The following CTIF variants were observed in gnomAD, a reference collection of about 807,000 sequenced individuals.
CTIF encodes the protein cap binding complex dependent translation initiation factor.
CTIF carries 21 observed loss-of-function variants against 66.0 expected under a neutral mutation model. That is an observed-to-expected ratio of 0.32 (90% CI 0.23 to 0.46). CTIF has a LOEUF of 0.46. CTIF is among the 20% of genes least tolerant of loss of function. The pLI, the probability that CTIF is intolerant of heterozygous loss-of-function variation, is 1.00. For synonymous variants in CTIF, 345 were observed against 326.4 expected (o/e 1.06, Z -0.62); for missense variants, 739 against 812.7 (o/e 0.91, Z 1.10).
At chr18:48,745,678 T>C (rs1485743968) in intron 7 of CTIF, among the ~76,000 whole-genome samples, 8 of 152,258 alleles carry the variant, frequency 5.3e-5, no homozygotes, top group Non-Finnish European at 5.9e-5. Context: ...TGTCCCAGAA[T>C]ACACGGGCTG....
rs376030133 is a variant in CTIF at position 48,665,165 on chromosome 18, C to T, written c.431+614C>T. Among the ~76,000 whole-genome samples the T allele has an allele frequency of 1.2e-4, 18 of 152,140 alleles. No homozygotes were observed. In the East Asian group the frequency reaches 2.5e-3, roughly 21 times the overall value. On this transcript the variant is annotated intron_variant, in intron 5 of 11. Coordinates refer to ENST00000256413, the MANE Select transcript of CTIF (RefSeq NM_014772.3). ...TCCTGACCTCATGATCCACCCGCCT[C>T]GGCCTCCCAAAGTGCTGGGATTACA... is the stretch of plus-strand genomic sequence containing the variant.
At chr18:48,762,231 A>G (rs1909080166) in intron 9 of CTIF, among the ~76,000 whole-genome samples, 1 of 152,184 alleles carries the variant, frequency 6.6e-6, no homozygotes, top group Non-Finnish European at 1.5e-5. Flanking sequence ...GACTGTCTTC[A>G]TCCTTGCTCT....
chr18:48,637,462 A>G (rs1211505470), intron 3 of CTIF, among the ~76,000 whole-genome samples: 1 of 152,150 alleles, frequency 6.6e-6, no homozygotes, highest in African/African-American at 2.4e-5. Flanking sequence ...GCCTCCGACT[A>G]TGCCTGTCTG....
intron 2 of CTIF, among the ~76,000 whole-genome samples, chr18:48,627,059 TATA>T (rs1330773150): frequency 6.6e-6 from 1 of 152,242 alleles, no homozygotes; most frequent in African/African-American, 2.4e-5. Flanking sequence ...TGGCAACTAA[TATA>T]ATTTTTGTGC....
At chr18:48,581,778 GTTA>G (rs1425433620) in intron 1 of CTIF, among the ~76,000 whole-genome samples, 14 of 152,176 alleles carry the variant, frequency 9.2e-5, no homozygotes, top group Admixed American at 9.2e-4. Flanking sequence ...CCAGGGAGGT[GTTA>G]TTATCGGTCA....
intron 10 of CTIF, among the ~76,000 whole-genome samples, chr18:48,819,429 C>T (rs959641038): frequency 1.3e-5 from 2 of 152,214 alleles, no homozygotes; most frequent in South Asian, 2.1e-4. Flanking sequence ...TGCCCCAACA[C>T]GTTCCCTCTG....
intron 6 of CTIF, among the ~76,000 whole-genome samples, chr18:48,685,076 G>T (rs1446612120): frequency 7.5e-6 from 1 of 134,100 alleles, no homozygotes. Context: ...ATCAGACTTT[G>T]CTTTTAGTTG....
At chr18:48,576,637 A>G (rs981147000) in intron 1 of CTIF, among the ~76,000 whole-genome samples, 6 of 152,246 alleles carry the variant, frequency 3.9e-5, no homozygotes, top group African/African-American at 1.2e-4. Flanking sequence ...AATTGCTGAC[A>G]CTAAGTCTCT....
At chr18:48,559,212 T>C (rs2089092989) in intron 1 of CTIF, among the ~76,000 whole-genome samples, 1 of 96,978 alleles carries the variant, frequency 1.0e-5, no homozygotes, top group Non-Finnish European at 2.2e-5. Flanking sequence ...TTTAAAAAAG[T>C]TTGTTGTTGT....
chr18:48,604,878 T>G (rs915743354), intron 1 of CTIF, among the ~76,000 whole-genome samples: 1 of 152,224 alleles, frequency 6.6e-6, no homozygotes, highest in Non-Finnish European at 1.5e-5. Flanking sequence ...TGAAATCTTA[T>G]GTGATCTTCT....
chr18:48,660,559 C>T (rs1209961916), intron 3 of CTIF, among the ~76,000 whole-genome samples: 1 of 152,194 alleles, frequency 6.6e-6, no homozygotes, highest in Non-Finnish European at 1.5e-5. Context: ...TTGGTGGGTC[C>T]CCCGCCAGGG....
intron 1 of CTIF, among the ~76,000 whole-genome samples, chr18:48,595,019 C>G (rs969642675): frequency 2.0e-5 from 3 of 152,228 alleles, no homozygotes; most frequent in Non-Finnish European, 4.4e-5. Context: ...TCTCCGGTGC[C>G]AGGCATTGGA....
intron 10 of CTIF, among the ~76,000 whole-genome samples, chr18:48,848,261 A>AC (rs1398931422): frequency 1.3e-5 from 2 of 151,306 alleles, no homozygotes; most frequent in African/African-American, 4.9e-5. Context: ...TTGTCCCCCC[A>AC]CAGCCCTGGC....
At chr18:48,560,157 C>CCCCA (rs1188496200) in intron 1 of CTIF, among the ~76,000 whole-genome samples, 1 of 151,954 alleles carries the variant, frequency 6.6e-6, no homozygotes, top group African/African-American at 2.4e-5. Flanking sequence ...GTCACAGAGT[C>CCCCA]CAGATTCAAG....
intron 3 of CTIF, among the ~76,000 whole-genome samples, chr18:48,661,418 T>C (rs2091344333): frequency 6.6e-6 from 1 of 152,104 alleles, no homozygotes; most frequent in Non-Finnish European, 1.5e-5. Context: ...TTGCTTTCTA[T>C]GTTATTTTTG....
intron 10 of CTIF, among the ~76,000 whole-genome samples, chr18:48,843,302 C>T (rs2068990999): frequency 6.6e-6 from 1 of 152,146 alleles, no homozygotes; most frequent in African/African-American, 2.4e-5. Flanking sequence ...TTCTCTCCTC[C>T]ATCTGCCCTC....
At chr18:48,696,838 C>T (rs941963755) in intron 6 of CTIF, among the ~76,000 whole-genome samples, 1 of 152,190 alleles carries the variant, frequency 6.6e-6, no homozygotes, top group Non-Finnish European at 1.5e-5. Context: ...ACACAGGGGG[C>T]CTGTGGAGCT....
chr18:48,748,906 G>A (rs34300802), intron 7 of CTIF, among the ~76,000 whole-genome samples: 14,864 of 152,230 alleles, frequency 0.098, 848 homozygotes, highest in Non-Finnish European at 0.12. Flanking sequence ...CCTCTGTTGC[G>A]GGGCAGCCCT....
At chr18:48,832,432 G>C (rs547419149) in intron 10 of CTIF, among the ~76,000 whole-genome samples, 1 of 152,118 alleles carries the variant, frequency 6.6e-6, no homozygotes, top group South Asian at 2.1e-4. Flanking sequence ...GCCTCCCAAA[G>C]TGCTAAAGAG....
Sources: gnomAD v4.1 joint callset for allele counts (sites outside exome capture counted in the v4.1 genomes callset) on GRCh38, gnomAD v4.1.1 for gene constraint, MANE v1.5 for transcripts, NCBI Gene and HGNC (gene_info 2026-07-23, HGNC 2026-07-21) for gene names.